The following UBXN11 variants were observed in gnomAD, a reference collection of about 807,000 sequenced individuals.
UBXN11 encodes UBX domain protein 11.
Under a neutral mutation model 62.8 loss-of-function variants are expected in UBXN11, and 47 were observed. The observed-to-expected ratio is 0.75, with a 90% CI of 0.59 to 0.95. UBXN11 has a LOEUF of 0.95. Among genes scored for constraint, UBXN11 ranks in the 40% least tolerant of loss-of-function variants. The probability of loss-of-function intolerance (pLI) is 0.00; values close to 1 mark genes in which losing one functional copy is unlikely to be tolerated. For missense variants in UBXN11, 638 were observed against 661.7 expected (o/e 0.96, Z 0.39); for synonymous variants, 294 against 267.0 (o/e 1.10, Z -0.99).
intron 3 of UBXN11, 120 bp downstream of exon 3, chr1:26,301,574 G>C: frequency 7.1e-7 from 1 of 1,412,580 alleles, no homozygotes; most frequent in Non-Finnish European, 9.7e-7. Context: ...ACAGAACACG[G>C]TGGAGGCCGC....
At chr1:26,301,624 C>T in intron 3 of UBXN11, 70 bp downstream of exon 3, 2 of 1,593,910 alleles carry the variant, frequency 1.3e-6, no homozygotes, top group Non-Finnish European at 1.7e-6. Context: ...TGATTTCTCT[C>T]CATCGGTCCA....
At position 26,285,895 on chromosome 1, in the gene UBXN11, C is replaced by G. The variant is rs376649739; in HGVS notation, c.702G>C (p.Pro234=). 8.1e-6 allele frequency: 13 copies of G among 1,613,268 alleles called. No individual in the cohort carries two copies. The highest frequency in any genetic ancestry group is 1.6e-4 in the Middle Eastern group (1 of 6,078). The part of the protein sequence containing the change: ...GARLRTLEPI[P]LKLYRNGIMM... The stretch of plus-strand genomic sequence containing the variant: ...TGATGCCATTCCGGTAGAGCTTCAG[C>G]GGGATGGGCTCGAGGGTACGCAGCC... Residue 234 remains proline, a synonymous_variant, in exon 9 of 15, where the codon CCG becomes CCC. Transcript: ENST00000374222.
chr1:26,307,316 T>C (rs1047139093), upstream of UBXN11, among the ~76,000 whole-genome samples: 4 of 152,224 alleles, frequency 2.6e-5, no homozygotes, highest in African/African-American at 9.6e-5. Flanking sequence ...CTGTGTGTTC[T>C]TGGGCACTTT....
At chr1:26,309,774 A>G (rs1469840051), upstream of UBXN11, among the ~76,000 whole-genome samples, 1 of 152,208 alleles carries the variant, frequency 6.6e-6, no homozygotes, top group African/African-American at 2.4e-5. Flanking sequence ...CTACAAATGT[A>G]AAGTAGAGAT....
chr1:26,309,233 C>T (rs2073714567), upstream of UBXN11, among the ~76,000 whole-genome samples: 1 of 115,626 alleles, frequency 8.6e-6, no homozygotes. Flanking sequence ...GCGCCCTGTC[C>T]CGAGTCAATT....
intron 1 of UBXN11, 98 bp downstream of exon 1, chr1:26,306,494 C>T (rs537073610): frequency 6.6e-5 from 10 of 152,404 alleles, no homozygotes; most frequent in South Asian, 2.1e-4. Flanking sequence ...GGGTCTTGAA[C>T]CTCTCCTGTG....
chr1:26,300,627 C>T (rs959794226), intron 4 of UBXN11, among the ~76,000 whole-genome samples: 3 of 78,400 alleles, frequency 3.8e-5, no homozygotes, highest in African/African-American at 1.2e-4. Context: ...CTGAGCTCTA[C>T]CCTCAGACTT....
At chr1:26,287,897 G>A (rs1158238991) in intron 8 of UBXN11, among the ~76,000 whole-genome samples, 2 of 113,030 alleles carry the variant, frequency 1.8e-5, no homozygotes, top group African/African-American at 7.1e-5. Context: ...TACAATGCCT[G>A]CCTCAACCCT....
At chr1:26,298,780 GAAAAAAA>G (rs11368453) in intron 4 of UBXN11, among the ~76,000 whole-genome samples, 56 of 61,716 alleles carry the variant, frequency 9.1e-4, no homozygotes, top group Non-Finnish European at 1.7e-3. Flanking sequence ...CTCTGTCTCA[GAAAAAAA>G]AAAAAAAAAA....
chr1:26,304,580 C>T (rs901004786), intron 1 of UBXN11, among the ~76,000 whole-genome samples: 11 of 152,042 alleles, frequency 7.2e-5, no homozygotes, highest in African/African-American at 2.7e-4. Flanking sequence ...TGGCAAAACC[C>T]CATCTCTACT....
upstream of UBXN11, among the ~76,000 whole-genome samples, chr1:26,308,037 C>T (rs1488672491): frequency 6.6e-6 from 1 of 152,038 alleles, no homozygotes; most frequent in African/African-American, 2.4e-5. Flanking sequence ...GAGGCTGAGG[C>T]AGGCGGATCA....
chr1:26,303,190 AGAAATG>A lies in UBXN11; in HGVS notation c.-35-278_-35-273del, dbSNP rs2073580984. On this transcript the variant is annotated intron_variant, in intron 1 of 14. Coordinates refer to ENST00000374222, the MANE Select transcript of UBXN11 (RefSeq NM_001389556.1). ...GTACTGTGAGGGTGGGATGGGATGC[AGAAATG>A]AGTCAGAAGCCTGGAACTTTCCCAA... The A allele has an allele frequency of 1.5e-5, 4 of 265,304 alleles. No individual in the cohort carries two copies. The East Asian group carries it at 2.7e-4, about 18-fold the overall frequency. The allele number at this position is 265,304 out of a possible 1,614,324, so 16.4% of individuals were successfully genotyped here.
At chr1:26,294,074 G>T in intron 8 of UBXN11, 131 bp downstream of exon 8, 1 of 1,404,894 alleles carries the variant, frequency 7.1e-7, no homozygotes, top group Non-Finnish European at 9.6e-7. Context: ...GGGGCAAGTT[G>T]TGGGCTCTCA....
intron 8 of UBXN11, among the ~76,000 whole-genome samples, chr1:26,288,918 C>CTG (rs1005939877): frequency 2.0e-4 from 30 of 152,328 alleles, no homozygotes; most frequent in Admixed American, 5.9e-4. Context: ...ATCACATAGG[C>CTG]TGCCTCTCAA....
chr1:26,282,323 A>ACCG lies in UBXN11; in HGVS notation c.1538_1539insCGG (p.Gly514dup). The ACCG allele has an allele frequency of 6.5e-6, 9 of 1,386,626 alleles. 1 individual carries two copies. Among genetic ancestry groups the ACCG allele is most frequent in the Non-Finnish European group, 7.5e-6 (8 of 1,069,988 alleles). 85.9% of individuals were successfully genotyped at this position (1,386,626 alleles called of 1,614,324 possible). The stretch of plus-strand genomic sequence containing the variant: ...TTTATTGGGGGCTGGGACTGGGTCC[A>ACCG]GGACAGGGACTGGGGCCGGGACCGG... On this transcript the variant is annotated inframe_insertion, in exon 15 of 15. Coordinates refer to ENST00000374222, the MANE Select transcript of UBXN11 (RefSeq NM_001389556.1).
chr1:26,310,752 GT>G (rs1178398171), upstream of UBXN11, among the ~76,000 whole-genome samples: 1 of 144,082 alleles, frequency 6.9e-6, no homozygotes, highest in Admixed American at 6.9e-5. Context: ...AAAAAAAGGT[GT>G]TTTTTCAAAA....
At chr1:26,288,265 A>G (rs531612431) in intron 8 of UBXN11, among the ~76,000 whole-genome samples, 2 of 152,090 alleles carry the variant, frequency 1.3e-5, no homozygotes, top group Admixed American at 1.3e-4. Flanking sequence ...GGGGTTTTTC[A>G]GGCTGATGAA....
chr1:26,290,703 T>A (rs917058219), intron 8 of UBXN11, among the ~76,000 whole-genome samples: 2 of 151,290 alleles, frequency 1.3e-5, no homozygotes, highest in African/African-American at 4.9e-5. Context: ...TGTGGGGTGC[T>A]GGCAGGGAGA....
At position 26,297,468 on chromosome 1, in the gene UBXN11, G is replaced by A. The variant is rs569825131; in HGVS notation, c.314C>T (p.Ala105Val). The change falls in exon 6 of 15, where the codon GCG becomes GTG. Residue 105 changes from alanine to valine, a missense_variant. Physicochemically the swap from Ala to Val is moderately conservative, Grantham distance 64. Coordinates refer to ENST00000374222, the MANE Select transcript of UBXN11 (RefSeq NM_001389556.1). ...GGTCTGCACCAGGTCCTCTAGGGCCGCTATCTTCTGATCCTGTAGCATAAG... is the reference window on the plus strand; with the variant it reads ...GGTCTGCACCAGGTCCTCTAGGGCCACTATCTTCTGATCCTGTAGCATAAG... Reference protein sequence around the residue: ...DEILSKDQKIAALEDLVQTLR... With the variant: ...DEILSKDQKIVALEDLVQTLR... 7 of 1,555,526 alleles carry A rather than the reference G, an allele frequency of 4.5e-6. No homozygotes were observed. Among genetic ancestry groups the A allele is most frequent in the Admixed American group, 1.9e-5 (1 of 51,880 alleles).
Sources: gnomAD v4.1 joint callset for allele counts (sites outside exome capture counted in the v4.1 genomes callset) on GRCh38, gnomAD v4.1.1 for gene constraint, MANE v1.5 for transcripts, NCBI Gene and HGNC (gene_info 2026-07-23, HGNC 2026-07-21) for gene names.